CHD1: variants seen among roughly 807,000 people sequenced by gnomAD.
CHD1 encodes ATP-dependent chromatin remodeler CHD1.
In CHD1, 36 loss-of-function variants were observed where a neutral mutation model predicts 224.2. That is an observed-to-expected ratio of 0.16 (90% CI 0.12 to 0.21). CHD1 has a LOEUF of 0.21. CHD1 is among the 10% of genes least tolerant of loss of function. CHD1 has a pLI of 1.00. For missense variants in CHD1, 1,378 were observed against 1,994.8 expected (o/e 0.69, Z 5.89); for synonymous variants, 668 against 658.3 (o/e 1.01, Z -0.23).
Position 98,876,524 on chromosome 5 carries a change from C to G in CHD1, c.3272G>C (p.Arg1091Thr), listed in dbSNP as rs1749771890. ...ATCAGATCCAGAGTATCTCCTACTT[C>G]TACTGCGCCTCCCTTCACTTCCATT... is the stretch of plus-strand genomic sequence containing the variant. ...SFNGSEGRRSRSRRYSGSDSD... is the reference protein window; with the variant it reads ...SFNGSEGRRSTSRRYSGSDSD... The change falls in exon 24 of 36, where the codon AGA becomes ACA. Residue 1091 changes from arginine (R) to threonine (T), a missense_variant. By Grantham distance (71) the Arg-to-Thr change is moderately conservative. Transcript: ENST00000614616. 1.2e-6 allele frequency: 2 copies of G among 1,613,882 alleles called. No individual in the cohort carries two copies. The highest frequency in any genetic ancestry group is 1.7e-6 in the Non-Finnish European group (2 of 1,179,936).
Position 98,888,172 on chromosome 5 carries a change from G to A in CHD1, c.2412C>T (p.Gly804=). Residue 804 remains glycine, a synonymous_variant, in exon 17 of 36, where the codon GGC becomes GGT. Coordinates refer to ENST00000614616, the MANE Select transcript of CHD1 (RefSeq NM_001270.4). The part of the protein sequence containing the change: ...DKLLIRLRER[G]NRVLIFSQMV... ...TTTGTGAAAAAATAAGAACTCGATT[G>A]CCTCGTTCTCTTAGGCGAATTAATA... 6.2e-7 allele frequency: 1 copy of A among 1,610,340 alleles called. No individual in the cohort carries two copies. The highest frequency in any genetic ancestry group is 8.5e-7 in the Non-Finnish European group (1 of 1,177,274).
In CHD1 at chr5:98,882,095, C is replaced by A; in HGVS notation, c.2747G>T (p.Gly916Val). 1 of 1,613,102 alleles carries A rather than the reference C, an allele frequency of 6.2e-7. No homozygotes were observed. Among genetic ancestry groups the A allele is most frequent in the Non-Finnish European group, 8.5e-7 (1 of 1,179,652 alleles). ...TTCAAGAATATCTTCTTCAACTGAT[C>A]CCTTTGTAACTAGACGATAAATATT... The part of the protein sequence containing the change: ...QVNIYRLVTK[G>V]SVEEDILERA... The change falls in exon 20 of 36, where the codon GGA (glycine) becomes GTA (valine). Residue 916 changes from glycine (G) to valine (V), a missense_variant. Physicochemically the swap from Gly to Val is moderately radical, Grantham distance 109. Coordinates refer to ENST00000614616, the MANE Select transcript of CHD1 (RefSeq NM_001270.4).
intron 28 of CHD1, 93 bp from the exon 29 acceptor site, chr5:98,870,896 A>G: frequency 1.7e-6 from 1 of 581,864 alleles, no homozygotes; most frequent in Non-Finnish European, 2.9e-6. Context: ...ATATATATAT[A>G]GTTCACCAAC....
At chr5:98,917,159 A>G (rs1752783267) in intron 2 of CHD1, among the ~76,000 whole-genome samples, 2 of 152,264 alleles carry the variant, frequency 1.3e-5, no homozygotes, top group East Asian at 1.9e-4. Flanking sequence ...TTTCCTTAGT[A>G]TAAAAATTAA....
Position 98,881,971 on chromosome 5 carries a change from C to G in CHD1, c.2867+4G>C. 1 of 1,607,440 alleles carries G rather than the reference C, an allele frequency of 6.2e-7. No individual in the cohort carries two copies. Among genetic ancestry groups the G allele is most frequent in the Non-Finnish European group, 8.5e-7 (1 of 1,177,180 alleles). On this transcript the variant is annotated splice_donor_region_variant and intron_variant, in intron 20 of 35. Transcript: ENST00000614616. Reference sequence around the variant, plus strand: ...TGACATTTTTTTAATAATCAAGTAACCACCTTGATGGGGCAGAACCTGTAT... The same window carrying G: ...TGACATTTTTTTAATAATCAAGTAAGCACCTTGATGGGGCAGAACCTGTAT...
At chr5:98,888,972 G>C in intron 16 of CHD1, 104 bp downstream of exon 16, 1 of 650,168 alleles carries the variant, frequency 1.5e-6, no homozygotes, top group East Asian at 2.8e-5. Context: ...TAACTAAAGA[G>C]AACTTTTATC....
chr5:98,873,900 T>C (rs1161961720), intron 25 of CHD1, among the ~76,000 whole-genome samples, 177 bp from the exon 26 acceptor site: 1 of 152,216 alleles, frequency 6.6e-6, no homozygotes, highest in East Asian at 1.9e-4. Flanking sequence ...AGACAAACAA[T>C]TCATTTATAT....
chr5:98,864,351 A>T (rs548020659), intron 31 of CHD1, among the ~76,000 whole-genome samples: 1 of 152,076 alleles, frequency 6.6e-6, no homozygotes, highest in South Asian at 2.1e-4. Flanking sequence ...ATGGGTCAAC[A>T]TCAGACAATG....
intron 2 of CHD1, among the ~76,000 whole-genome samples, chr5:98,917,788 A>T (rs1342472621): frequency 6.6e-6 from 1 of 152,170 alleles, no homozygotes; most frequent in Non-Finnish European, 1.5e-5. Context: ...TCTACACCAA[A>T]GAAACTTCTG....
chr5:98,875,220 C>T (rs947768624), intron 24 of CHD1, 107 bp from the exon 25 acceptor site: 1 of 639,956 alleles, frequency 1.6e-6, no homozygotes, highest in Non-Finnish European at 2.7e-6. Context: ...TATAAAAATT[C>T]AAGGCACTGT....
In CHD1 at chr5:98,869,622, GCACACACACACA is replaced by G. The variant is rs113502266; in HGVS notation, c.4107+120_4107+131del. 2,403 of 712,416 alleles carry G rather than the reference GCACACACACACA, an allele frequency of 3.4e-3. 1 individual carries two copies. The highest frequency in any genetic ancestry group is 5.8e-3 in the Middle Eastern group (14 of 2,428). 44.1% of individuals were successfully genotyped at this position (712,416 alleles called of 1,614,324 possible). ...TATAAGTGCGTGCGCACGTGCGCGCGCACACACACACACACACACACACACACACAGACTTCG... is the reference window on the plus strand; with the variant it reads ...TATAAGTGCGTGCGCACGTGCGCGCGCACACACACACACACACAGACTTCG... On this transcript the variant is annotated intron_variant, in intron 30 of 35. Transcript: ENST00000614616.
intron 20 of CHD1, 46 bp from the exon 21 acceptor site, chr5:98,881,421 A>T: frequency 2.2e-6 from 2 of 914,006 alleles, no homozygotes; most frequent in South Asian, 1.7e-5. Flanking sequence ...AGTTAAAAAT[A>T]TAACAGTTAC....
At chr5:98,881,251 CCTTTT>C in intron 21 of CHD1, 23 bp downstream of exon 21, 2 of 988,194 alleles carry the variant, frequency 2.0e-6, no homozygotes, top group Non-Finnish European at 2.9e-6. Flanking sequence ...CTGAGGCAGG[CCTTTT>C]TTTTTTTTTT....
At chr5:98,902,524 A>G (rs1166917822) in intron 5 of CHD1, among the ~76,000 whole-genome samples, 4 of 152,056 alleles carry the variant, frequency 2.6e-5, no homozygotes, top group Admixed American at 6.5e-5. Flanking sequence ...TTCACATGCA[A>G]CTGAATAGTA....
chr5:98,878,290 C>A (rs1254698632), intron 23 of CHD1, among the ~76,000 whole-genome samples: 1 of 152,212 alleles, frequency 6.6e-6, no homozygotes, highest in African/African-American at 2.4e-5. Flanking sequence ...GGAAGCCTTG[C>A]CAGACCTTTC....
intron 5 of CHD1, among the ~76,000 whole-genome samples, chr5:98,901,997 G>GT (rs1561530033): frequency 6.6e-6 from 1 of 151,990 alleles, no homozygotes; most frequent in Non-Finnish European, 1.5e-5. Context: ...TGCACCAATT[G>GT]TAACTATGAT....
Position 98,855,344 on chromosome 5 carries a change from C to A in CHD1, c.*1036G>T, listed in dbSNP as rs1427855901. 1 of 152,544 alleles carries A rather than the reference C, an allele frequency of 6.6e-6. No homozygotes were observed. Among genetic ancestry groups the A allele is most frequent in the African/African-American group, 2.4e-5 (1 of 41,420 alleles). The allele number at this position is 152,544 out of a possible 1,614,324, so 9.4% of individuals were successfully genotyped here. On this transcript the variant is annotated 3_prime_UTR_variant, in exon 36 of 36. Transcript: ENST00000614616. ...ATAGCACATTTGACATTATTGCCCACATAAAACGGGAAAACAAACGGATTT... is the reference window on the plus strand; with the variant it reads ...ATAGCACATTTGACATTATTGCCCAAATAAAACGGGAAAACAAACGGATTT...
intron 15 of CHD1, among the ~76,000 whole-genome samples, chr5:98,889,448 G>C (rs555825158): frequency 6.6e-6 from 1 of 152,218 alleles, no homozygotes; most frequent in African/African-American, 2.4e-5. Context: ...GCTATACACA[G>C]AACAGGCTAA....
Position 98,887,363 on chromosome 5 carries a change from C to A in CHD1, c.2496+725G>T, listed in dbSNP as rs146476720. The stretch of plus-strand genomic sequence containing the variant: ...TAAGAGATGATAAGCTCTGACAAAG[C>A]AGGGATTGTGTGTTCAGTCCCATTA... On this transcript the variant is annotated intron_variant, in intron 17 of 35. Coordinates refer to ENST00000614616, the MANE Select transcript of CHD1 (RefSeq NM_001270.4). Among the ~76,000 whole-genome samples, 708 of 152,172 alleles carry A rather than the reference C, an allele frequency of 4.7e-3. 6 individuals are homozygous for A. The highest frequency in any genetic ancestry group is 6.9e-3 in the Non-Finnish European group (466 of 67,958).
Sources: gnomAD v4.1 joint callset for allele counts (sites outside exome capture counted in the v4.1 genomes callset) on GRCh38, gnomAD v4.1.1 for gene constraint, MANE v1.5 for transcripts, NCBI Gene and HGNC (gene_info 2026-07-23, HGNC 2026-07-21) for gene names.